CELF2: variants seen among roughly 807,000 people sequenced by gnomAD.
The protein encoded by CELF2 is CUGBP Elav-like family member 2, also known as CUG triplet repeat RNA-binding protein 2.
CELF2 carries 8 observed loss-of-function variants against 62.6 expected under a neutral mutation model. That is an observed-to-expected ratio of 0.13 (90% confidence interval 0.07 to 0.23). CELF2 has a LOEUF of 0.23. Among genes scored for constraint, CELF2 ranks in the 10% least tolerant of loss-of-function variants. The pLI is 1.00. For missense variants in CELF2, 333 were observed against 671.0 expected, an observed-to-expected ratio of 0.50 and a Z score of 5.56; for synonymous variants, 258 against 250.0, an observed-to-expected ratio of 1.03 and a Z score of -0.30.
the CELF2 span, among the ~76,000 whole-genome samples, chr10:10,653,361 G>T: frequency 6.7e-6 from 1 of 148,756 alleles, no homozygotes; most frequent in Non-Finnish European, 1.5e-5. Flanking sequence ...TCTGCACCAA[G>T]TGGACCTAAT....
At chr10:11,000,885 C>T (rs2054447606), upstream of CELF2, among the ~76,000 whole-genome samples, 1 of 152,190 alleles carries the variant, frequency 6.6e-6, no homozygotes, top group African/African-American at 2.4e-5. Context: ...CGGCTTCTGT[C>T]CCCAGTGCTG....
At chr10:10,618,978 C>T in the CELF2 span, among the ~76,000 whole-genome samples, 1 of 151,596 alleles carries the variant, frequency 6.6e-6, no homozygotes. Flanking sequence ...GGCCATTTCA[C>T]CCTAAACTTT....
chr10:10,754,892 GC>G, the CELF2 span, among the ~76,000 whole-genome samples: 1 of 152,294 alleles, frequency 6.6e-6, no homozygotes, highest in South Asian at 2.1e-4. Context: ...CAAGCCATCG[GC>G]GTCAGTCAAC....
At chr10:11,278,936 G>A (rs4750038) in intron 8 of CELF2, among the ~76,000 whole-genome samples, 32,777 of 152,070 alleles carry the variant, frequency 0.22, 4,678 homozygotes, top group East Asian at 0.63. Context: ...CTTCAGGTCC[G>A]GCTCACTGAT....
At chr10:11,105,132 G>A (rs2053043688) in intron 1 of CELF2, among the ~76,000 whole-genome samples, 1 of 152,220 alleles carries the variant, frequency 6.6e-6, no homozygotes, top group East Asian at 1.9e-4. Flanking sequence ...AAAACTCTAA[G>A]TCCAGATTAG....
intron 1 of CELF2, among the ~76,000 whole-genome samples, chr10:11,068,945 C>T (rs1486782393): frequency 1.3e-5 from 2 of 152,180 alleles, no homozygotes; most frequent in Non-Finnish European, 2.9e-5. Flanking sequence ...ACACCTAAGA[C>T]ACGTTGTGAC....
chr10:10,849,712 C>T (rs1025566082), intron 1 of CELF2, among the ~76,000 whole-genome samples: 1 of 151,930 alleles, frequency 6.6e-6, no homozygotes, highest in Non-Finnish European at 1.5e-5. Context: ...CCAATTGTCT[C>T]GATAATGTGT....
At chr10:10,479,589 C>A in the CELF2 span, among the ~76,000 whole-genome samples, 1 of 152,168 alleles carries the variant, frequency 6.6e-6, no homozygotes, top group Non-Finnish European at 1.5e-5. Flanking sequence ...CCAATGAAAT[C>A]AGGCAAAGAG....
chr10:10,553,598 G>A, the CELF2 span, among the ~76,000 whole-genome samples: 1 of 152,162 alleles, frequency 6.6e-6, no homozygotes, highest in Non-Finnish European at 1.5e-5. Flanking sequence ...AGAGAGAGGA[G>A]ATCTGGTCTC....
At chr10:10,670,760 T>C in the CELF2 span, among the ~76,000 whole-genome samples, 1 of 152,250 alleles carries the variant, frequency 6.6e-6, no homozygotes, top group African/African-American at 2.4e-5. Context: ...CCCTCCCCTC[T>C]AACCCTTGAC....
chr10:11,112,175 A>T (rs555217381), intron 1 of CELF2, among the ~76,000 whole-genome samples: 496 of 152,316 alleles, frequency 3.3e-3, no homozygotes, highest in Non-Finnish European at 5.5e-3. Context: ...CATGTGCCAC[A>T]TTTTACTGGG....
chr10:10,760,594 C>G, the CELF2 span, among the ~76,000 whole-genome samples: 1 of 152,174 alleles, frequency 6.6e-6, no homozygotes, highest in East Asian at 1.9e-4. Context: ...ATGATGAAAG[C>G]TGCGATGGAG....
At chr10:11,040,791 A>C (rs770493957) in intron 1 of CELF2, among the ~76,000 whole-genome samples, 1 of 151,962 alleles carries the variant, frequency 6.6e-6, no homozygotes, top group Non-Finnish European at 1.5e-5. Context: ...TTTCCATTCA[A>C]TATTTTGAAT....
chr10:11,009,684 C>T (rs1301571545), intron 1 of CELF2, among the ~76,000 whole-genome samples: 1 of 152,132 alleles, frequency 6.6e-6, no homozygotes. Flanking sequence ...GTTGACCCGC[C>T]CATGATTGGC....
chr10:10,781,490 C>T, the CELF2 span, among the ~76,000 whole-genome samples: 472 of 152,282 alleles, frequency 3.1e-3, 5 homozygotes, highest in Non-Finnish European at 1.8e-3. Flanking sequence ...ACGTCTTACA[C>T]GGAGGCAGGC....
the CELF2 span, among the ~76,000 whole-genome samples, chr10:10,655,343 A>T: frequency 8.3e-6 from 1 of 120,680 alleles, no homozygotes; most frequent in East Asian, 2.1e-4. Flanking sequence ...GCTACCAATG[A>T]CTTTCTTCAC....
At chr10:10,830,916 C>T (rs1564685355) in intron 1 of CELF2, among the ~76,000 whole-genome samples, 1 of 152,124 alleles carries the variant, frequency 6.6e-6, no homozygotes, top group African/African-American at 2.4e-5. Flanking sequence ...TTGTCCAATG[C>T]GTTAAAAACA....
the CELF2 span, among the ~76,000 whole-genome samples, chr10:10,479,341 G>A: frequency 1.3e-5 from 2 of 151,968 alleles, no homozygotes; most frequent in African/African-American, 4.8e-5. Flanking sequence ...GATAATTTTT[G>A]TATTTTTAGT....
intron 1 of CELF2, among the ~76,000 whole-genome samples, chr10:10,890,954 G>A (rs990485648): frequency 6.6e-6 from 1 of 152,130 alleles, no homozygotes; most frequent in East Asian, 1.9e-4. Flanking sequence ...GGTGGAGGTT[G>A]CAGTGAGCCG....
Sources: allele counts gnomAD v4.1 joint callset (sites outside exome capture counted in the v4.1 genomes callset), GRCh38; gene constraint gnomAD v4.1.1; transcripts MANE v1.5; gene names NCBI Gene and HGNC (gene_info 2026-07-23, HGNC 2026-07-21).